Variants in OTUD4 observed in about 807,000 individuals in gnomAD.
The protein encoded by OTUD4 is OTU deubiquitinase 4.
A neutral mutation model predicts 130.4 loss-of-function variants in OTUD4; 24 were observed. The observed-to-expected ratio is 0.18, with a 90% CI of 0.13 to 0.26. The LOEUF is 0.26. Ranked by LOEUF, OTUD4 falls within the 10% of genes least tolerant of loss-of-function variation. The pLI is 1.00. For synonymous variants in OTUD4, 420 were observed against 472.5 expected, an observed-to-expected ratio of 0.89 and a Z score of 1.44; for missense variants, 1,031 against 1,329.4, an observed-to-expected ratio of 0.78 and a Z score of 3.49.
intron 3 of OTUD4, among the ~76,000 whole-genome samples, chr4:145,169,181 G>T (rs1752029422): frequency 6.6e-6 from 1 of 152,230 alleles, no homozygotes; most frequent in Non-Finnish European, 1.5e-5. Context: ...TTTCTGGAGA[G>T]ATGGAAATGT....
intron 10 of OTUD4, among the ~76,000 whole-genome samples, chr4:145,153,688 G>A (rs1445397490): frequency 2.0e-5 from 3 of 152,104 alleles, no homozygotes; most frequent in East Asian, 1.9e-4. Context: ...CCTATAAACT[G>A]CCCACACTGA....
intron 10 of OTUD4, among the ~76,000 whole-genome samples, chr4:145,154,359 TTAAAA>T (rs1156398377): frequency 6.6e-6 from 1 of 152,246 alleles, no homozygotes; most frequent in African/African-American, 2.4e-5. Context: ...TTGAAGGTTC[TTAAAA>T]TAAAATCCTG....
chr4:145,164,261 C>G (rs1266041722), intron 4 of OTUD4, 35 bp from the exon 5 acceptor site: 4 of 948,724 alleles, frequency 4.2e-6, no homozygotes, highest in Non-Finnish European at 4.8e-6. Flanking sequence ...TTATAATGGA[C>G]TATACTTCAT....
chr4:145,155,896 A>G (rs749165076), intron 8 of OTUD4, 40 bp downstream of exon 8: 14 of 1,475,908 alleles, frequency 9.5e-6, no homozygotes, highest in Non-Finnish European at 1.3e-5. Flanking sequence ...GCTTTCTTAT[A>G]TTAAAGAACT....
chr4:145,135,708 CCAT>C lies in OTUD4; in HGVS notation c.*1719_*1721del, dbSNP rs1190189187. 1.3e-5 allele frequency: 2 copies of C among 152,704 alleles called. No individual in the cohort carries two copies. The highest frequency in any genetic ancestry group is 1.9e-4 in the East Asian group (1 of 5,180). 9.5% of individuals were successfully genotyped at this position (152,704 alleles called of 1,614,324 possible). A position where few individuals can be genotyped will look rare whatever the true frequency, so the allele number is the denominator to read the frequency against. Reference sequence around the variant, plus strand: ...AGTCTTTACAATTTTTTACCTAGCACCATCATAATAAAATGTTATCTTTCAAAG... The same window carrying C: ...AGTCTTTACAATTTTTTACCTAGCACCATAATAAAATGTTATCTTTCAAAG... On this transcript the variant is annotated 3_prime_UTR_variant, in exon 21 of 21. Transcript: ENST00000447906.
Position 145,180,174 on chromosome 4 carries a change from G to A in OTUD4, c.-201C>T, listed in dbSNP as rs1219711607. 7.9e-5 allele frequency: 15 copies of A among 188,794 alleles called. No individual in the cohort carries two copies. Among genetic ancestry groups the A allele is most frequent in the Non-Finnish European group, 1.5e-4 (14 of 96,186 alleles). The allele number at this position is 188,794 out of a possible 1,614,324, so 11.7% of individuals were successfully genotyped here. On this transcript the variant is annotated 5_prime_UTR_variant, in exon 1 of 21. Coordinates refer to ENST00000447906, the MANE Select transcript of OTUD4 (RefSeq NM_001366057.1). The stretch of plus-strand genomic sequence containing the variant: ...GGGAAGCCCTGCCTAATGCATGGCT[G>A]TCCGCACGCGGCCGCCTCCTCGGAG...
intron 3 of OTUD4, among the ~76,000 whole-genome samples, chr4:145,167,035 T>C (rs1048672495): frequency 6.6e-6 from 1 of 152,066 alleles, no homozygotes; most frequent in Non-Finnish European, 1.5e-5. Flanking sequence ...AGAAAGGGGA[T>C]GGGGAGGATA....
chr4:145,160,344 TGAAA>T (rs1386541706), intron 6 of OTUD4, among the ~76,000 whole-genome samples: 5 of 152,180 alleles, frequency 3.3e-5, no homozygotes, highest in Non-Finnish European at 7.4e-5. Flanking sequence ...CAGCAGCCAC[TGAAA>T]GAAAGAAGCA....
Position 145,134,804 on chromosome 4 carries a change from C to G in OTUD4, c.*2626G>C. ...ACCAAAGGGAAAAGGGGGCTGGAATCAAGTTCAGCCAAAGCACCTAACACA... is the reference window on the plus strand; with the variant it reads ...ACCAAAGGGAAAAGGGGGCTGGAATGAAGTTCAGCCAAAGCACCTAACACA... On this transcript the variant is annotated 3_prime_UTR_variant, in exon 21 of 21. Transcript: ENST00000447906. The G allele has an allele frequency of 2.5e-6, 1 of 398,980 alleles. No individual in the cohort carries two copies. The highest frequency in any genetic ancestry group is 4.4e-6 in the Non-Finnish European group (1 of 226,014). 24.7% of individuals were successfully genotyped at this position (398,980 alleles called of 1,614,324 possible). A position where few individuals can be genotyped will look rare whatever the true frequency, so the allele number is the denominator to read the frequency against.
Position 145,136,030 on chromosome 4 carries a change from G to T in OTUD4, c.*1400C>A, listed in dbSNP as rs949277293. 1 of 152,624 alleles carries T rather than the reference G, an allele frequency of 6.6e-6. No individual in the cohort carries two copies. Among genetic ancestry groups the T allele is most frequent in the Non-Finnish European group, 1.5e-5 (1 of 68,030 alleles). 9.5% of individuals were successfully genotyped at this position (152,624 alleles called of 1,614,324 possible). On this transcript the variant is annotated 3_prime_UTR_variant, in exon 21 of 21. Transcript: ENST00000447906. ...TGGCTAGGTATATTACACATGGCAT[G>T]CAAAGAGAAATTACTACTATGTTAT...
Position 145,138,376 on chromosome 4 carries a change from T to C in OTUD4, c.2399A>G (p.Gln800Arg), listed in dbSNP as rs773178191. ...FSSPLVIPPS[Q>R]VSESHGQLSY... ...CAATTGTCCATGACTTTCAGACACC[T>C]GAGATGGAGGGATAACCAGAGGTGA... The change falls in exon 21 of 21, where the codon CAG becomes CGG. Residue 800 changes from glutamine to arginine, a missense_variant. Gln to Arg is a conservative substitution (Grantham distance 43). Around this residue, in one of 3 missense-constraint regions of OTUD4, gnomAD observed 900 missense variants for 1,095.9 expected, o/e 0.82. Coordinates refer to ENST00000447906, the MANE Select transcript of OTUD4 (RefSeq NM_001366057.1). 1.2e-6 allele frequency: 2 copies of C among 1,614,082 alleles called. No homozygotes were observed. The highest frequency in any genetic ancestry group is 1.1e-5 in the South Asian group (1 of 91,078).
intron 8 of OTUD4, 105 bp downstream of exon 8, chr4:145,155,831 T>C: frequency 9.6e-7 from 1 of 1,041,330 alleles, no homozygotes; most frequent in Non-Finnish European, 1.4e-6. Flanking sequence ...TAGATGATCC[T>C]GACTTGACTG....
intron 14 of OTUD4, 68 bp downstream of exon 14, chr4:145,146,199 C>T (rs1750813353): frequency 9.6e-7 from 1 of 1,040,300 alleles, no homozygotes; most frequent in African/African-American, 1.7e-5. Context: ...GGAACTATGG[C>T]TTAATCTAAA....
At chr4:145,160,559 T>C (rs1751507323) in intron 6 of OTUD4, among the ~76,000 whole-genome samples, 1 of 152,196 alleles carries the variant, frequency 6.6e-6, no homozygotes, top group African/African-American at 2.4e-5. Flanking sequence ...ACACCTGTAA[T>C]CCCAACACTT....
In OTUD4 at chr4:145,155,604, T is replaced by C. The variant is rs1560987420; in HGVS notation, c.773A>G (p.Asn258Ser). ...LKSLNPAVYR[N>S]VEYEIWLKSK... ...CTTCAGCCAAATTTCATATTCCACA[T>C]TTCTATAGACTGCAGGATTGAGTGA... The change falls in exon 9 of 21, where the codon AAT (asparagine) becomes AGT (serine). Residue 258 changes from asparagine to serine, a missense_variant. Transcript: ENST00000447906. 1.2e-6 allele frequency: 2 copies of C among 1,612,666 alleles called. No homozygotes were observed. The highest frequency in any genetic ancestry group is 1.7e-6 in the Non-Finnish European group (2 of 1,179,338).
chr4:145,157,603 G>A (rs950431434), intron 7 of OTUD4, among the ~76,000 whole-genome samples: 1 of 145,780 alleles, frequency 6.9e-6, no homozygotes, highest in Non-Finnish European at 1.5e-5. Context: ...AAAATCGCTT[G>A]AACCCGCGAG....
intron 17 of OTUD4, 94 bp downstream of exon 17, chr4:145,143,271 A>C (rs1750648755): frequency 1.5e-6 from 1 of 688,652 alleles, no homozygotes; most frequent in Admixed American, 3.0e-5. Flanking sequence ...CCCATTTCCC[A>C]TACTGATGTT....
At chr4:145,144,134 T>C (rs1314302824) in intron 15 of OTUD4, 133 bp from the exon 16 acceptor site, 11 of 1,035,284 alleles carry the variant, frequency 1.1e-5, no homozygotes, top group Non-Finnish European at 1.6e-5. Flanking sequence ...ATGTAGTTTT[T>C]AGAATAGCAC....
intron 20 of OTUD4, 61 bp from the exon 21 acceptor site, chr4:145,138,711 A>T (rs1295584477): frequency 1.4e-6 from 2 of 1,465,400 alleles, no homozygotes; most frequent in Non-Finnish European, 1.8e-6. Context: ...GTTTGGGTGG[A>T]TATCAATCTA....
Sources: gnomAD v4.1 joint callset for allele counts (sites outside exome capture counted in the v4.1 genomes callset) on GRCh38, gnomAD v4.1.1 for gene constraint, gnomAD v4.1.1 regional missense constraint, MANE v1.5 for transcripts, NCBI Gene and HGNC (gene_info 2026-07-23, HGNC 2026-07-21) for gene names.